VPS13A: variants seen among roughly 807,000 people sequenced by gnomAD.
The protein encoded by VPS13A is intermembrane lipid transfer protein VPS13A.
VPS13A carries 264 observed loss-of-function variants against 390.9 expected under a neutral mutation model. The ratio of observed to expected loss-of-function variants is 0.68; its 90% CI spans 0.61 to 0.75. The LOEUF is 0.75. Ranked by LOEUF, VPS13A falls within the 30% of genes least tolerant of loss-of-function variation. VPS13A has a pLI of 0.00. For missense variants in VPS13A, 3,409 were observed against 3,733.9 expected, an observed-to-expected ratio of 0.91 and a Z score of 2.27; for synonymous variants, 1,231 against 1,227.1, an observed-to-expected ratio of 1.00 and a Z score of -0.07.
intron 39 of VPS13A, among the ~76,000 whole-genome samples, chr9:77,316,809 T>G (rs895470982): frequency 6.6e-6 from 1 of 151,972 alleles, no homozygotes; most frequent in African/African-American, 2.4e-5. Context: ...AAATAATGAG[T>G]TTTTCCTTGT....
At chr9:77,267,069 T>C (rs1424353056) in intron 23 of VPS13A, among the ~76,000 whole-genome samples, 1 of 152,094 alleles carries the variant, frequency 6.6e-6, no homozygotes, top group African/African-American at 2.4e-5. Flanking sequence ...CCTCTAACCT[T>C]TTTTCAACAC....
chr9:77,415,841 T>A, intron 71 of VPS13A, 115 bp from the exon 72 acceptor site: 1 of 1,185,966 alleles, frequency 8.4e-7, no homozygotes, highest in Non-Finnish European at 1.2e-6. Context: ...GTATTGGCTG[T>A]CAGTATTACA....
At position 77,365,509 on chromosome 9, in the gene VPS13A, C is replaced by T. The variant is rs1399895059; in HGVS notation, c.8261C>T (p.Thr2754Ile). 3.1e-6 allele frequency: 5 copies of T among 1,612,168 alleles called. No individual in the cohort carries two copies. Among genetic ancestry groups the T allele is most frequent in the Non-Finnish European group, 4.2e-6 (5 of 1,178,782 alleles). Residue 2754 changes from threonine to isoleucine, a missense_variant, in exon 60 of 72, where the codon ACA becomes ATA. Coordinates refer to ENST00000360280, the MANE Select transcript of VPS13A (RefSeq NM_033305.3). Reference sequence around the variant, plus strand: ...GAAGCTTTCAAAGAAGAATATAAAACAGCCTCATTAGTAGATCAATCACAA... The same window carrying T: ...GAAGCTTTCAAAGAAGAATATAAAATAGCCTCATTAGTAGATCAATCACAA... Reference protein sequence around the residue: ...DIEAFKEEYKTASLVDQSQVS... With the variant: ...DIEAFKEEYKIASLVDQSQVS...
intron 22 of VPS13A, among the ~76,000 whole-genome samples, chr9:77,255,825 T>C (rs1825405862): frequency 6.6e-6 from 1 of 152,110 alleles, no homozygotes; most frequent in Non-Finnish European, 1.5e-5. Context: ...ACAGCCCTTT[T>C]TGTTTTGTAA....
At position 77,250,246 on chromosome 9, in the gene VPS13A, T is replaced by G; in HGVS notation, c.2170+17T>G. 1 of 1,612,016 alleles carries G rather than the reference T, an allele frequency of 6.2e-7. No individual in the cohort carries two copies. The highest frequency in any genetic ancestry group is 1.3e-5 in the African/African-American group (1 of 75,036). ...GTAGAGTTGGTGAGTATAAAATGCA[T>G]TATTTGTTGATTGATTTTGTTGAAG... On this transcript the variant is annotated intron_variant, in intron 21 of 71. Transcript: ENST00000360280.
chr9:77,256,031 A>T (rs1038010803), intron 22 of VPS13A, among the ~76,000 whole-genome samples: 1 of 150,946 alleles, frequency 6.6e-6, no homozygotes, highest in Non-Finnish European at 1.5e-5. Flanking sequence ...TATTTCGGGT[A>T]GCTTTAGGTT....
At chr9:77,181,957 A>G (rs1824044799) in intron 1 of VPS13A, among the ~76,000 whole-genome samples, 1 of 152,204 alleles carries the variant, frequency 6.6e-6, no homozygotes, top group Non-Finnish European at 1.5e-5. Context: ...GCAAATTTTG[A>G]TGTTGGTAAG....
intron 6 of VPS13A, among the ~76,000 whole-genome samples, chr9:77,210,187 CTCTTTCTCTCTT>C (rs1432905378): frequency 7.8e-6 from 1 of 128,838 alleles, no homozygotes; most frequent in East Asian, 2.6e-4. Flanking sequence ...CTCTCTCTTT[CTCTTTCTCTCTT>C]TCTTTCTCTT....
intron 17 of VPS13A, among the ~76,000 whole-genome samples, chr9:77,230,832 A>T (rs968161605): frequency 8.5e-5 from 13 of 152,166 alleles, no homozygotes; most frequent in Admixed American, 5.9e-4. Flanking sequence ...TATTCAGCAC[A>T]AATTATTCAG....
intron 13 of VPS13A, among the ~76,000 whole-genome samples, chr9:77,222,945 A>G (rs938445908): frequency 6.6e-6 from 1 of 152,198 alleles, no homozygotes; most frequent in Non-Finnish European, 1.5e-5. Flanking sequence ...CAGTTGTTCA[A>G]ACCGTGTTCA....
intron 1 of VPS13A, among the ~76,000 whole-genome samples, chr9:77,178,909 A>G (rs1032360314): frequency 1.3e-5 from 2 of 152,142 alleles, no homozygotes; most frequent in African/African-American, 4.8e-5. Flanking sequence ...CTTCTCGTTT[A>G]TGAGATAATG....
At chr9:77,355,198 A>G (rs1684057285) in intron 54 of VPS13A, among the ~76,000 whole-genome samples, 1 of 152,132 alleles carries the variant, frequency 6.6e-6, no homozygotes, top group African/African-American at 2.4e-5. Context: ...TTTCTCTTTA[A>G]CCACTCCAAA....
At chr9:77,403,379 T>C in intron 69 of VPS13A, 58 bp downstream of exon 69, 5 of 1,361,796 alleles carry the variant, frequency 3.7e-6, no homozygotes, top group South Asian at 3.5e-5. Flanking sequence ...CAGCGACTCA[T>C]GAGGTGAAGA....
chr9:77,177,936 T>G, intron 1 of VPS13A, 132 bp downstream of exon 1: 1 of 739,014 alleles, frequency 1.4e-6, no homozygotes, highest in African/African-American at 1.8e-5. Flanking sequence ...GCCGCCCGCC[T>G]GTGGGTCAAG....
chr9:77,342,053 T>C (rs1017609771), intron 50 of VPS13A, among the ~76,000 whole-genome samples: 4 of 152,058 alleles, frequency 2.6e-5, no homozygotes, highest in African/African-American at 9.7e-5. Flanking sequence ...TGGTCTCTAA[T>C]TTTATGTAAG....
intron 1 of VPS13A, among the ~76,000 whole-genome samples, chr9:77,190,428 A>G (rs1051341149): frequency 1.3e-5 from 2 of 152,244 alleles, no homozygotes; most frequent in South Asian, 2.1e-4. Context: ...TTTGCATACC[A>G]GGAATAAAGT....
At chr9:77,343,481 G>C (rs1348279058) in intron 50 of VPS13A, among the ~76,000 whole-genome samples, 1 of 152,156 alleles carries the variant, frequency 6.6e-6, no homozygotes, top group Non-Finnish European at 1.5e-5. Flanking sequence ...AGATGGAGTT[G>C]ACTTAATAGC....
intron 45 of VPS13A, 85 bp downstream of exon 45, chr9:77,323,312 C>T (rs1033716425): frequency 3.4e-6 from 5 of 1,480,448 alleles, no homozygotes; most frequent in African/African-American, 1.4e-5. Flanking sequence ...CAAATTATTA[C>T]TGAAAGAATA....
rs1455251991 is a variant in VPS13A, at chr9:77,421,510, C to G, written c.*5504C>G. 1.3e-5 allele frequency: 2 copies of G among 152,028 alleles called. No individual in the cohort carries two copies. Among genetic ancestry groups the G allele is most frequent in the African/African-American group, 2.4e-5 (1 of 41,382 alleles). 9.4% of individuals were successfully genotyped at this position (152,028 alleles called of 1,614,324 possible). On this transcript the variant is annotated 3_prime_UTR_variant, in exon 72 of 72. Coordinates refer to ENST00000360280, the MANE Select transcript of VPS13A (RefSeq NM_033305.3). ...GACTGCCCATTTTCACCATGTATAC[C>G]TTTGTCAAATAAAGATTTCTGATCT...
Sources: allele counts gnomAD v4.1 joint callset (sites outside exome capture counted in the v4.1 genomes callset), GRCh38; gene constraint gnomAD v4.1.1; transcripts MANE v1.5; gene names NCBI Gene and HGNC (gene_info 2026-07-23, HGNC 2026-07-21).